Variants in ARL15 observed in about 807,000 individuals in gnomAD.
ARL15 encodes ARF like GTPase 15.
ARL15 carries 19 observed loss-of-function variants against 25.2 expected under a neutral mutation model. That is an observed-to-expected ratio of 0.75 (90% CI 0.53 to 1.10). The LOEUF is 1.10. Ranked by LOEUF, ARL15 falls within the 50% of genes least tolerant of loss-of-function variation. The pLI, the probability that ARL15 is intolerant of heterozygous loss-of-function variation, is 0.00. For synonymous variants in ARL15, 94 were observed against 86.8 expected (o/e 1.08, Z -0.46); for missense variants, 220 against 246.0 (o/e 0.89, Z 0.71).
At chr5:53,978,328 C>T (rs1441395842) in intron 4 of ARL15, among the ~76,000 whole-genome samples, 2 of 152,128 alleles carry the variant, frequency 1.3e-5, no homozygotes, top group Non-Finnish European at 2.9e-5. Context: ...TCCTCAGTCA[C>T]AGGCAACCAC....
chr5:54,208,668 G>T (rs1049578961), intron 1 of ARL15, among the ~76,000 whole-genome samples: 3 of 152,106 alleles, frequency 2.0e-5, no homozygotes, highest in African/African-American at 7.2e-5. Flanking sequence ...TAAACCATCA[G>T]TCATGAGTCC....
intron 4 of ARL15, among the ~76,000 whole-genome samples, chr5:54,030,964 G>A (rs906421455): frequency 1.3e-5 from 2 of 152,120 alleles, no homozygotes; most frequent in Non-Finnish European, 2.9e-5. Flanking sequence ...CACAAACAAG[G>A]AGCCACCTGG....
chr5:54,243,511 C>T (rs1482735221), intron 1 of ARL15, among the ~76,000 whole-genome samples: 2 of 152,160 alleles, frequency 1.3e-5, no homozygotes, highest in Admixed American at 1.3e-4. Flanking sequence ...AGTCGTAGTA[C>T]AGATAGAAAC....
At chr5:54,248,516 C>G (rs1005883719) in intron 1 of ARL15, among the ~76,000 whole-genome samples, 28 of 152,338 alleles carry the variant, frequency 1.8e-4, no homozygotes, top group African/African-American at 6.7e-4. Context: ...TCTTCCCTTA[C>G]AGGGAAATAA....
chr5:54,289,588 G>A (rs750658759), intron 1 of ARL15, among the ~76,000 whole-genome samples: 1 of 152,298 alleles, frequency 6.6e-6, no homozygotes. Flanking sequence ...AATATTTATT[G>A]AGAAGCAGTT....
intron 1 of ARL15, among the ~76,000 whole-genome samples, chr5:54,290,357 C>T (rs935128430): frequency 6.7e-6 from 1 of 148,748 alleles, no homozygotes; most frequent in Non-Finnish European, 1.5e-5. Context: ...GGCTGGAGGG[C>T]AGTGGCACGA....
intron 1 of ARL15, among the ~76,000 whole-genome samples, chr5:54,195,712 C>T (rs1279265889): frequency 6.6e-6 from 1 of 152,062 alleles, no homozygotes; most frequent in African/African-American, 2.4e-5. Flanking sequence ...TATGCATATA[C>T]TAATATATAT....
intron 2 of ARL15, among the ~76,000 whole-genome samples, chr5:54,164,059 C>T (rs910286150): frequency 3.3e-5 from 5 of 152,010 alleles, no homozygotes; most frequent in Non-Finnish European, 7.4e-5. Context: ...ATAGGCACCA[C>T]AAATTCTAAT....
At chr5:54,288,060 T>C (rs1758225330) in intron 1 of ARL15, among the ~76,000 whole-genome samples, 1 of 152,022 alleles carries the variant, frequency 6.6e-6, no homozygotes, top group Non-Finnish European at 1.5e-5. Flanking sequence ...GCTACTAGTA[T>C]GAATAACAAG....
At chr5:54,080,010 C>T (rs9292037) in intron 4 of ARL15, among the ~76,000 whole-genome samples, 37,718 of 144,706 alleles carry the variant, frequency 0.26, 5,821 homozygotes, top group African/African-American at 0.39. Flanking sequence ...CACACACACA[C>T]ACACACAGAC....
At chr5:54,234,927 G>C (rs1756763640) in intron 1 of ARL15, among the ~76,000 whole-genome samples, 1 of 152,136 alleles carries the variant, frequency 6.6e-6, no homozygotes, top group Non-Finnish European at 1.5e-5. Flanking sequence ...ACCAAATCTA[G>C]TTTGAATGTA....
intron 4 of ARL15, among the ~76,000 whole-genome samples, chr5:53,968,152 T>A (rs1747625318): frequency 6.6e-6 from 1 of 152,036 alleles, no homozygotes; most frequent in Admixed American, 6.6e-5. Flanking sequence ...TAAGAGAGAG[T>A]TAGTATGCTG....
Position 54,154,375 on chromosome 5 carries a change from C to A in ARL15, c.253+205G>T, listed in dbSNP as rs1388104325. ...GTAATTCTTTGATTCATTCAAAAAACCCCCAAAGTTTATGTTACTTAGAAC... is the reference window on the plus strand; with the variant it reads ...GTAATTCTTTGATTCATTCAAAAAAACCCCAAAGTTTATGTTACTTAGAAC... On this transcript the variant is annotated intron_variant, in intron 3 of 4. Transcript: ENST00000504924. 14 of 424,014 alleles carry A rather than the reference C, an allele frequency of 3.3e-5. No individual in the cohort carries two copies. The Admixed American group carries it at 4.1e-4, about 12-fold the overall frequency. 26.3% of individuals were successfully genotyped at this position (424,014 alleles called of 1,614,324 possible).
At chr5:54,029,306 T>TACCACC (rs1168500786) in intron 4 of ARL15, among the ~76,000 whole-genome samples, 22 of 120,084 alleles carry the variant, frequency 1.8e-4, no homozygotes, top group East Asian at 4.3e-4. Flanking sequence ...TAAAAACAGT[T>TACCACC]ACCACCACCA....
Position 54,240,309 on chromosome 5 carries a change from G to C in ARL15, c.49-68381C>G, listed in dbSNP as rs140432510. The stretch of plus-strand genomic sequence containing the variant: ...ATTCAAGTCATCAGTTGGCTCAAAA[G>C]GTGTCATTAAATCATCAAAATTTTA... On this transcript the variant is annotated intron_variant, in intron 1 of 4. Coordinates refer to ENST00000504924, the MANE Select transcript of ARL15 (RefSeq NM_019087.3). Among the ~76,000 whole-genome samples, 167 of 148,568 alleles carry C rather than the reference G, an allele frequency of 1.1e-3. 2 individuals carry two copies. The highest frequency in any genetic ancestry group is 3.8e-3 in the Admixed American group (56 of 14,900).
chr5:54,221,293 G>C (rs977340770), intron 1 of ARL15, among the ~76,000 whole-genome samples: 8 of 152,172 alleles, frequency 5.3e-5, no homozygotes, highest in Non-Finnish European at 1.2e-4. Context: ...TTTAATAGGG[G>C]TTTTACACAG....
chr5:54,289,406 C>T (rs183103331), intron 1 of ARL15, among the ~76,000 whole-genome samples: 11 of 151,802 alleles, frequency 7.2e-5, no homozygotes, highest in Non-Finnish European at 1.5e-4. Context: ...GGTGGATTTC[C>T]GGTACTGCTA....
chr5:53,967,848 T>C (rs1297466455), intron 4 of ARL15, among the ~76,000 whole-genome samples: 1 of 152,106 alleles, frequency 6.6e-6, no homozygotes, highest in African/African-American at 2.4e-5. Flanking sequence ...CCACGATAAG[T>C]AACTAGACAA....
chr5:54,047,741 T>C (rs1750568059), intron 4 of ARL15, among the ~76,000 whole-genome samples: 1 of 152,216 alleles, frequency 6.6e-6, no homozygotes, highest in South Asian at 2.1e-4. Context: ...GATAAATTCT[T>C]CCACGGTTGA....
Sources: gnomAD v4.1 joint callset for allele counts (sites outside exome capture counted in the v4.1 genomes callset) on GRCh38, gnomAD v4.1.1 for gene constraint, MANE v1.5 for transcripts, NCBI Gene and HGNC (gene_info 2026-07-23, HGNC 2026-07-21) for gene names.